Variants in HOPX observed in about 807,000 individuals in gnomAD.
The protein encoded by HOPX is HOP homeobox, also known as homeodomain-only protein.
A neutral mutation model predicts 11.8 loss-of-function variants in HOPX; 5 were observed. That is an observed-to-expected ratio of 0.43 (90% CI 0.22 to 0.89). The LOEUF (loss-of-function observed/expected upper bound fraction) is 0.89, where lower values mean the gene tolerates loss of function less well. Among genes scored for constraint, HOPX ranks in the 40% least tolerant of loss-of-function variants. The probability of loss-of-function intolerance (pLI) is 0.28; values close to 1 mark genes in which losing one functional copy is unlikely to be tolerated. For synonymous variants in HOPX, 49 were observed against 49.7 expected, an observed-to-expected ratio of 0.99 and a Z score of 0.06; for missense variants, 119 against 120.0, an observed-to-expected ratio of 0.99 and a Z score of 0.04.
At chr4:56,667,959 C>G (rs1291341370) in intron 1 of HOPX, among the ~76,000 whole-genome samples, 1 of 151,816 alleles carries the variant, frequency 6.6e-6, no homozygotes, top group Non-Finnish European at 1.5e-5. Context: ...GAGTCTCACT[C>G]TGTCATCCAG....
intron 1 of HOPX, chr4:56,679,209 T>A (rs1470136692): frequency 6.6e-6 from 1 of 152,206 alleles, no homozygotes; most frequent in Admixed American, 6.6e-5. Context: ...GCTACTGCAC[T>A]CCAGCCTGGG....
upstream of HOPX, chr4:56,681,388 G>A (rs1719317821): frequency 6.1e-6 from 6 of 985,396 alleles, no homozygotes; most frequent in Non-Finnish European, 7.2e-6. Context: ...GCACACACTC[G>A]AGCAAGGACC....
chr4:56,660,339 G>T (rs1188350650), intron 1 of HOPX, among the ~76,000 whole-genome samples: 1 of 151,956 alleles, frequency 6.6e-6, no homozygotes, highest in African/African-American at 2.4e-5. Context: ...TACCTTTACG[G>T]GAACAAGATC....
intron 1 of HOPX, among the ~76,000 whole-genome samples, chr4:56,666,503 G>GAATCAT (rs374760050): frequency 2.6e-5 from 4 of 152,176 alleles, no homozygotes; most frequent in Admixed American, 6.5e-5. Context: ...AGCAGTGAAT[G>GAATCAT]AATCATTAGT....
rs1252623300 is a variant in HOPX at position 56,675,461 on chromosome 4, G to A, written c.-84+5794C>T. 4.0e-5 allele frequency among the ~76,000 whole-genome samples: 6 copies of A among 151,670 alleles called. No individual in the cohort carries two copies. The East Asian group carries it at 1.2e-3, about 29-fold the overall frequency. ...CAATGAATCTTTCAGGCTCACAGCT[G>A]CTTCAAAATTCCATTACAGCTGAGA... is the stretch of plus-strand genomic sequence containing the variant. On this transcript the variant is annotated intron_variant, in intron 1 of 3. Coordinates refer to ENST00000420433, the MANE Select transcript of HOPX (RefSeq NM_032495.6).
At chr4:56,674,581 C>CCTCAGG (rs1170733858) in intron 1 of HOPX, among the ~76,000 whole-genome samples, 1 of 151,602 alleles carries the variant, frequency 6.6e-6, no homozygotes, top group African/African-American at 2.4e-5. Flanking sequence ...TCAATGTCTG[C>CCTCAGG]CTCAGGTTTT....
At chr4:56,654,046 A>G (rs938466263) in intron 3 of HOPX, among the ~76,000 whole-genome samples, 1 of 152,186 alleles carries the variant, frequency 6.6e-6, no homozygotes, top group Non-Finnish European at 1.5e-5. Context: ...AGTGATTTCT[A>G]TGCCTCCTCT....
At chr4:56,662,840 A>G (rs4865138) in intron 1 of HOPX, 56,195 of 151,954 alleles carry the variant, frequency 0.37, 11,158 homozygotes, top group Non-Finnish European at 0.44. Context: ...CAAATCACCT[A>G]TTTGAATATT....
chr4:56,656,786 G>A (rs1717778334), intron 2 of HOPX, among the ~76,000 whole-genome samples: 1 of 151,948 alleles, frequency 6.6e-6, no homozygotes, highest in Non-Finnish European at 1.5e-5. Flanking sequence ...TCAACCCTTC[G>A]CCCCCACTCT....
At chr4:56,655,580 A>C (rs1717613401) in intron 3 of HOPX, among the ~76,000 whole-genome samples, 2 of 118,188 alleles carry the variant, frequency 1.7e-5, no homozygotes, top group Admixed American at 1.5e-4. Context: ...GGAGAGTGGA[A>C]AAGAAAGGAC....
intron 3 of HOPX, among the ~76,000 whole-genome samples, chr4:56,654,873 G>A (rs1353209323): frequency 6.6e-6 from 1 of 152,150 alleles, no homozygotes; most frequent in Non-Finnish European, 1.5e-5. Flanking sequence ...TTAGAAGTGT[G>A]AAGTGCTTTG....
At chr4:56,654,021 T>C (rs1469087458) in intron 3 of HOPX, among the ~76,000 whole-genome samples, 2 of 152,222 alleles carry the variant, frequency 1.3e-5, no homozygotes, top group Non-Finnish European at 2.9e-5. Flanking sequence ...GTCAGTTGTC[T>C]CCTCCTGCTC....
At chr4:56,661,141 T>C (rs1718095645) in intron 1 of HOPX, among the ~76,000 whole-genome samples, 2 of 152,320 alleles carry the variant, frequency 1.3e-5, no homozygotes, top group Non-Finnish European at 2.9e-5. Context: ...CTATCACATA[T>C]GTATGGATCC....
intron 1 of HOPX, among the ~76,000 whole-genome samples, chr4:56,668,223 G>C (rs1421724174): frequency 6.6e-6 from 1 of 151,972 alleles, no homozygotes; most frequent in African/African-American, 2.4e-5. Context: ...ACCACACGCG[G>C]CCAAACTGAT....
chr4:56,662,347 G>A (rs1224928722), intron 1 of HOPX: 5 of 152,160 alleles, frequency 3.3e-5, no homozygotes, highest in Admixed American at 3.3e-4. Flanking sequence ...GAGTTAAATT[G>A]TCTACAGCAT....
At position 56,648,683 on chromosome 4, in the gene HOPX, C is replaced by A. The variant is rs377461072; in HGVS notation, c.*37G>T. The A allele has an allele frequency of 6.9e-7, 1 of 1,457,974 alleles. No homozygotes were observed. Among genetic ancestry groups the A allele is most frequent in the East Asian group, 2.3e-5 (1 of 43,474 alleles). 90.3% of individuals were successfully genotyped at this position (1,457,974 alleles called of 1,614,324 possible). On this transcript the variant is annotated 3_prime_UTR_variant, in exon 4 of 4. Coordinates refer to ENST00000420433, the MANE Select transcript of HOPX (RefSeq NM_032495.6). Reference sequence around the variant, plus strand: ...AAGCGGAGGAGAGAAACAGAGATGGCCTTCATGGAGTGAAGCTGTCAATGC... The same window carrying A: ...AAGCGGAGGAGAGAAACAGAGATGGACTTCATGGAGTGAAGCTGTCAATGC...
At chr4:56,674,878 G>A (rs1024050018) in intron 1 of HOPX, among the ~76,000 whole-genome samples, 2 of 143,298 alleles carry the variant, frequency 1.4e-5, no homozygotes, top group African/African-American at 5.4e-5. Context: ...CTCCCAAGTA[G>A]CTAAAACTAC....
chr4:56,681,281 C>T lies in HOPX; in HGVS notation c.-110G>A, dbSNP rs904667756. On this transcript the variant is annotated 5_prime_UTR_variant, in exon 1 of 4. Transcript: ENST00000420433. ...TGGAAGAGGCAAAGGCAAGCGCAAGCCCTGGGTTTGGAAGCTGTGTTTGCT... is the reference window on the plus strand; with the variant it reads ...TGGAAGAGGCAAAGGCAAGCGCAAGTCCTGGGTTTGGAAGCTGTGTTTGCT... 1.0e-6 allele frequency: 1 copy of T among 985,272 alleles called. No homozygotes were observed. The highest frequency in any genetic ancestry group is 1.7e-5 in the African/African-American group (1 of 57,220). The allele number at this position is 985,272 out of a possible 1,614,324, so 61.0% of individuals were successfully genotyped here. A position where few individuals can be genotyped will look rare whatever the true frequency, so the allele number is the denominator to read the frequency against.
intron 1 of HOPX, among the ~76,000 whole-genome samples, chr4:56,669,424 C>T (rs188164849): frequency 2.6e-5 from 4 of 152,078 alleles, no homozygotes; most frequent in African/African-American, 9.6e-5. Flanking sequence ...CAGGGGAGGC[C>T]GAGGCAGGTG....
Sources: allele counts gnomAD v4.1 joint callset (sites outside exome capture counted in the v4.1 genomes callset), GRCh38; gene constraint gnomAD v4.1.1; transcripts MANE v1.5; gene names NCBI Gene and HGNC (gene_info 2026-07-23, HGNC 2026-07-21).